Variants in SIPA1L3 observed in about 807,000 individuals in gnomAD.
The protein encoded by SIPA1L3 is signal-induced proliferation-associated 1-like protein 3.
A neutral mutation model predicts 150.1 loss-of-function variants in SIPA1L3; 59 were observed. The ratio of observed to expected loss-of-function variants is 0.39; its 90% CI spans 0.32 to 0.49. The LOEUF (loss-of-function observed/expected upper bound fraction) is 0.49. Among genes scored for constraint, SIPA1L3 ranks in the 20% least tolerant of loss-of-function variants. The pLI is 0.86. For missense variants in SIPA1L3, 2,211 were observed against 2,489.5 expected (o/e 0.89, Z 2.38); for synonymous variants, 1,070 against 1,077.6 (o/e 0.99, Z 0.14).
intron 9 of SIPA1L3, among the ~76,000 whole-genome samples, chr19:38,124,004 C>T (rs1373970817): frequency 1.6e-4 from 22 of 135,212 alleles, no homozygotes; most frequent in African/African-American, 5.6e-4. Context: ...CCGGACGGGG[C>T]GGATGGCCGG....
chr19:38,144,540 G>A (rs1568574403), intron 12 of SIPA1L3, among the ~76,000 whole-genome samples: 2 of 152,196 alleles, frequency 1.3e-5, no homozygotes, highest in African/African-American at 2.4e-5. Flanking sequence ...TGGTAGGTTC[G>A]GGGTGCTGCA....
At chr19:38,072,168 C>A (rs1969736500) in intron 2 of SIPA1L3, among the ~76,000 whole-genome samples, 1 of 152,142 alleles carries the variant, frequency 6.6e-6, no homozygotes, top group Non-Finnish European at 1.5e-5. Context: ...CAACTCATAG[C>A]CATGTGGCTA....
intron 1 of SIPA1L3, among the ~76,000 whole-genome samples, chr19:37,968,236 C>T (rs967047067): frequency 2.6e-5 from 4 of 152,082 alleles, no homozygotes; most frequent in Admixed American, 2.0e-4. Flanking sequence ...CCATGCCCAG[C>T]GGATTTTTGT....
intron 1 of SIPA1L3, among the ~76,000 whole-genome samples, chr19:38,011,809 C>T (rs1430446489): frequency 6.6e-6 from 1 of 152,000 alleles, no homozygotes; most frequent in Admixed American, 6.6e-5. Flanking sequence ...GCAAAGGTGG[C>T]CTGGGGAGGC....
intron 1 of SIPA1L3, among the ~76,000 whole-genome samples, chr19:37,999,518 C>T (rs1053367002): frequency 2.0e-5 from 3 of 152,294 alleles, no homozygotes; most frequent in South Asian, 2.1e-4. Context: ...GGTTTTCCAG[C>T]GCTGAACGTG....
chr19:38,166,341 C>T (rs547277809), intron 15 of SIPA1L3, among the ~76,000 whole-genome samples: 2 of 151,732 alleles, frequency 1.3e-5, no homozygotes, highest in South Asian at 4.2e-4. Context: ...CCTGTAGTCC[C>T]AGCTACTTGG....
intron 2 of SIPA1L3, among the ~76,000 whole-genome samples, chr19:38,050,317 G>A (rs539392687): frequency 5.3e-5 from 8 of 152,144 alleles, no homozygotes; most frequent in East Asian, 1.9e-4. Flanking sequence ...TTAGCCCGAC[G>A]TGGTGGCGCA....
chr19:37,971,767 G>A (rs1240891773), intron 1 of SIPA1L3, among the ~76,000 whole-genome samples: 1 of 151,846 alleles, frequency 6.6e-6, no homozygotes, highest in East Asian at 1.9e-4. Context: ...GGGTTTCATT[G>A]TGTTGCCCAG....
rs779586058 is a variant in SIPA1L3, at chr19:38,193,688, C to T, written c.4748C>T (p.Thr1583Met). The T allele has an allele frequency of 5.7e-6, 9 of 1,575,804 alleles. No individual in the cohort carries two copies. The highest frequency in any genetic ancestry group is 1.1e-5 in the South Asian group (1 of 87,804). The change falls in exon 18 of 22, where the codon ACG becomes ATG. Residue 1583 changes from threonine (T) to methionine (M), a missense_variant. Physicochemically the swap from Thr to Met is moderately conservative, Grantham distance 81. This residue lies in a region of SIPA1L3 where 806 missense variants were observed against 870.1 expected (regional missense o/e 0.93). Coordinates refer to ENST00000222345, the MANE Select transcript of SIPA1L3 (RefSeq NM_015073.3). The part of the protein sequence containing the change: ...FTSTCAFPSS[T>M]LPARRQHQHP... ...AGCACCTGCGCCTTCCCGTCCAGCA[C>T]GCTGCCTGCACGCCGCCAGCACCAG...
intron 1 of SIPA1L3, among the ~76,000 whole-genome samples, chr19:38,005,750 A>G (rs1295171111): frequency 2.6e-5 from 4 of 152,232 alleles, no homozygotes; most frequent in African/African-American, 9.6e-5. Flanking sequence ...ATAAGGAGAA[A>G]GGGAAAGCGG....
chr19:38,023,563 G>A (rs768858375), intron 1 of SIPA1L3, among the ~76,000 whole-genome samples: 21 of 152,192 alleles, frequency 1.4e-4, no homozygotes, highest in Non-Finnish European at 2.6e-4. Flanking sequence ...TCAAAGACTG[G>A]ACAGGGATGG....
At chr19:38,160,150 T>C (rs1386718940) in intron 13 of SIPA1L3, among the ~76,000 whole-genome samples, 3 of 151,818 alleles carry the variant, frequency 2.0e-5, no homozygotes, top group African/African-American at 7.3e-5. Context: ...TAGCTGGGAC[T>C]ACAGGCATGT....
At chr19:38,139,249 C>T (rs1356436944) in intron 10 of SIPA1L3, among the ~76,000 whole-genome samples, 2 of 152,158 alleles carry the variant, frequency 1.3e-5, no homozygotes, top group Non-Finnish European at 2.9e-5. Context: ...GCTTAGAGCA[C>T]ATGACAATTC....
At chr19:38,137,772 C>G (rs529564761) in intron 10 of SIPA1L3, among the ~76,000 whole-genome samples, 3 of 151,940 alleles carry the variant, frequency 2.0e-5, no homozygotes, top group African/African-American at 7.3e-5. Flanking sequence ...CTGGGACTGC[C>G]CAGCTATGTT....
At chr19:38,038,054 G>A (rs1416003804) in intron 2 of SIPA1L3, among the ~76,000 whole-genome samples, 4 of 152,288 alleles carry the variant, frequency 2.6e-5, no homozygotes, top group South Asian at 2.1e-4. Flanking sequence ...TGCCACTAGC[G>A]TGCCTTGGTG....
At chr19:37,954,092 G>A (rs2046787801) in intron 1 of SIPA1L3, among the ~76,000 whole-genome samples, 1 of 152,006 alleles carries the variant, frequency 6.6e-6, no homozygotes. Flanking sequence ...ATAAAAAAAA[G>A]TTTTTACTAC....
At chr19:38,120,240 T>C (rs1262669395) in intron 9 of SIPA1L3, among the ~76,000 whole-genome samples, 1 of 151,018 alleles carries the variant, frequency 6.6e-6, no homozygotes, top group African/African-American at 2.4e-5. Context: ...AGGTGGTGGA[T>C]CGCTTGAGCC....
intron 2 of SIPA1L3, among the ~76,000 whole-genome samples, chr19:38,080,245 T>C (rs1418106338): frequency 6.6e-6 from 1 of 152,152 alleles, no homozygotes; most frequent in African/African-American, 2.4e-5. Flanking sequence ...TCTGGCAGAG[T>C]AGCTGAGCTG....
chr19:38,024,374 G>T (rs532853510), intron 1 of SIPA1L3, among the ~76,000 whole-genome samples: 10 of 152,296 alleles, frequency 6.6e-5, no homozygotes, highest in African/African-American at 2.2e-4. Flanking sequence ...TTCCTTGTAG[G>T]CCTGTTTTAT....
Sources: allele counts gnomAD v4.1 joint callset (sites outside exome capture counted in the v4.1 genomes callset), GRCh38; gene constraint gnomAD v4.1.1; regional missense constraint gnomAD v4.1.1; transcripts MANE v1.5; gene names NCBI Gene and HGNC (gene_info 2026-07-23, HGNC 2026-07-21).